The following PKD1L1 variants were observed in gnomAD, a reference collection of about 807,000 sequenced individuals.
The protein encoded by PKD1L1 is polycystin-1-like protein 1.
A neutral mutation model predicts 323.4 loss-of-function variants in PKD1L1; 236 were observed. That is an observed-to-expected ratio of 0.73 (90% CI 0.66 to 0.81). PKD1L1 has a LOEUF of 0.81. Among genes scored for constraint, PKD1L1 ranks in the 40% least tolerant of loss-of-function variants. The pLI is 0.00. For synonymous variants in PKD1L1, 1,344 were observed against 1,335.0 expected, an observed-to-expected ratio of 1.01 and a Z score of -0.15; for missense variants, 3,320 against 3,508.0, an observed-to-expected ratio of 0.95 and a Z score of 1.35.
intron 16 of PKD1L1, among the ~76,000 whole-genome samples, chr7:47,889,127 C>T (rs2128748375): frequency 6.6e-6 from 1 of 152,162 alleles, no homozygotes; most frequent in Admixed American, 6.5e-5. Context: ...TGTGTGGGTG[C>T]ACAGTGGGGT....
chr7:47,787,555 T>C (rs573146472), intron 56 of PKD1L1, among the ~76,000 whole-genome samples: 22 of 152,320 alleles, frequency 1.4e-4, no homozygotes, highest in South Asian at 1.0e-3. Flanking sequence ...GTATAAGGAC[T>C]CACAATAGTG....
intron 14 of PKD1L1, 89 bp downstream of exon 14, chr7:47,897,899 G>T: frequency 9.2e-7 from 1 of 1,086,680 alleles, no homozygotes; most frequent in Non-Finnish European, 1.3e-6. Context: ...TCGAACAGGT[G>T]TTGAATTCCA....
intron 31 of PKD1L1, among the ~76,000 whole-genome samples, chr7:47,850,028 GA>G (rs1785745505): frequency 6.6e-6 from 1 of 152,178 alleles, no homozygotes; most frequent in Non-Finnish European, 1.5e-5. Flanking sequence ...GGGTAAGGAT[GA>G]GGGGGTGAGA....
chr7:47,950,636 G>A (rs940043861), upstream of PKD1L1, among the ~76,000 whole-genome samples: 3 of 152,146 alleles, frequency 2.0e-5, no homozygotes, highest in Non-Finnish European at 2.9e-5. Flanking sequence ...CTTGAACCGG[G>A]GAGGCAGAGG....
intron 44 of PKD1L1, among the ~76,000 whole-genome samples, chr7:47,828,475 G>C (rs187054957): frequency 4.7e-4 from 71 of 152,144 alleles, no homozygotes; most frequent in African/African-American, 1.6e-3. Flanking sequence ...AGGGCGGGGG[G>C]TGCAGGAGGA....
In PKD1L1 at chr7:47,836,936, A is replaced by G; in HGVS notation, c.5928T>C (p.Ala1976=). The G allele has an allele frequency of 6.2e-7, 1 of 1,613,928 alleles. No homozygotes were observed. The highest frequency in any genetic ancestry group is 8.5e-7 in the Non-Finnish European group (1 of 1,179,964). The part of the protein sequence containing the change: ...VYACLTALVA[A]GGQEQPHLDV... ...TGGCTCTCACCTGCTCTTGCCCTCC[A>G]GCAGCAACCAGGGCAGTGAGACACG... The change falls in exon 37 of 57, where the codon GCT becomes GCC. Residue 1976 remains alanine (A), a synonymous_variant. Transcript: ENST00000289672.
Position 47,904,423 on chromosome 7 carries a change from C to T in PKD1L1, c.1886G>A (p.Gly629Asp), listed in dbSNP as rs778093920. The T allele has an allele frequency of 7.1e-5, 114 of 1,614,064 alleles. No homozygotes were observed. Among genetic ancestry groups the T allele is most frequent in the Non-Finnish European group, 9.1e-5 (107 of 1,180,042 alleles). ...GGAGCTGCTCCCCAGGCTGACGGTG[C>T]CATCCCCAAAGTCCCACAGGTAGGC... ...DVAYLWDFGDGTVSLGSSSSS... is the reference protein window; with the variant it reads ...DVAYLWDFGDDTVSLGSSSSS... Residue 629 changes from glycine (G) to aspartate (D), a missense_variant, in exon 12 of 57, where the codon GGC becomes GAC. Coordinates refer to ENST00000289672, the MANE Select transcript of PKD1L1 (RefSeq NM_138295.5).
rs1787001151 is a variant in PKD1L1, at chr7:47,898,147, T to C, written c.2112A>G (p.Ala704=). The change falls in exon 14 of 57, where the codon GCA becomes GCG. Residue 704 remains alanine, a synonymous_variant. Transcript: ENST00000289672. ...GACCTTGGGAAATATCACAGAAGAC[T>C]GCAGCTTCAAACGTCACTCCCAGCC... ...PVRLGVTFEA[A]VFCDISQGLS... 6.2e-7 allele frequency: 1 copy of C among 1,614,062 alleles called. No individual in the cohort carries two copies. Among genetic ancestry groups the C allele is most frequent in the Non-Finnish European group, 8.5e-7 (1 of 1,180,030 alleles).
At chr7:47,796,736 C>T (rs908248606) in intron 54 of PKD1L1, among the ~76,000 whole-genome samples, 6 of 151,858 alleles carry the variant, frequency 4.0e-5, no homozygotes, top group Admixed American at 6.6e-5. Context: ...GCCTGTAATC[C>T]CAGCACTTTG....
At chr7:47,882,182 A>T (rs1786571893) in intron 19 of PKD1L1, 97 bp from the exon 20 acceptor site, 6 of 1,257,996 alleles carry the variant, frequency 4.8e-6, no homozygotes. Context: ...AACTATTTGT[A>T]CTATTGCTGG....
chr7:47,830,079 G>GA lies in PKD1L1; in HGVS notation c.6518dup (p.Ser2174LeufsTer28). On this transcript the variant is annotated frameshift_variant, in exon 43 of 57. Coordinates refer to ENST00000289672, the MANE Select transcript of PKD1L1 (RefSeq NM_138295.5). LOFTEE classifies it high-confidence loss of function. ...TGATGAAAATACAGCAGACCACGGA[G>GA]AGGGACAGCAGGTGCAGCCACTGCA... 6.2e-7 allele frequency: 1 copy of GA among 1,614,224 alleles called. No homozygotes were observed. The highest frequency in any genetic ancestry group is 1.3e-5 in the African/African-American group (1 of 75,068).
intron 13 of PKD1L1, 83 bp from the exon 14 acceptor site, chr7:47,898,277 A>G: frequency 8.8e-7 from 1 of 1,139,314 alleles, no homozygotes; most frequent in Non-Finnish European, 1.3e-6. Flanking sequence ...CTTAGTCTTA[A>G]CTGTAGATCT....
chr7:47,914,573 A>G (rs1319352203), intron 8 of PKD1L1, among the ~76,000 whole-genome samples: 2 of 152,180 alleles, frequency 1.3e-5, no homozygotes, highest in Non-Finnish European at 2.9e-5. Context: ...TCCAGTGAAA[A>G]GGGTAAAACA....
chr7:47,934,568 G>A (rs1288525875), intron 4 of PKD1L1, among the ~76,000 whole-genome samples: 1 of 152,054 alleles, frequency 6.6e-6, no homozygotes, highest in Non-Finnish European at 1.5e-5. Context: ...TCTTAATGTA[G>A]TGATTTTCTT....
intron 46 of PKD1L1, among the ~76,000 whole-genome samples, chr7:47,816,011 C>CGAGGGCT (rs1226763664): frequency 6.6e-6 from 1 of 152,070 alleles, no homozygotes; most frequent in African/African-American, 2.4e-5. Flanking sequence ...GAGGGGACGG[C>CGAGGGCT]GAGGGCTTCC....
In PKD1L1 at chr7:47,839,685, C is replaced by G; in HGVS notation, c.5553-23G>C. Reference sequence around the variant, plus strand: ...GCGCTGGAGGCACACACAGCAGCATCTCAGCCGGGTGGGTGACAGTGTGGT... The same window carrying G: ...GCGCTGGAGGCACACACAGCAGCATGTCAGCCGGGTGGGTGACAGTGTGGT... On this transcript the variant is annotated intron_variant, in intron 35 of 56. Transcript: ENST00000289672. The surrounding 1 kb of genome is among the most constrained non-coding windows in gnomAD (Gnocchi z 4.3). The G allele has an allele frequency of 6.4e-7, 1 of 1,551,850 alleles. No individual in the cohort carries two copies. Among genetic ancestry groups the G allele is most frequent in the Non-Finnish European group, 8.7e-7 (1 of 1,146,860 alleles).
chr7:47,814,109 TC>T, intron 47 of PKD1L1, 95 bp from the exon 48 acceptor site: 1 of 898,292 alleles, frequency 1.1e-6, no homozygotes, highest in Non-Finnish European at 1.8e-6. Context: ...TCTGGGTAAC[TC>T]CACCTGCTAC....
intron 36 of PKD1L1, among the ~76,000 whole-genome samples, chr7:47,838,929 T>C (rs548079839): frequency 6.8e-6 from 1 of 147,354 alleles, no homozygotes; most frequent in South Asian, 2.2e-4. Context: ...GACATTATCA[T>C]CACAATTGTA....
In PKD1L1 at chr7:47,929,590, A is replaced by G. The variant is rs926902293; in HGVS notation, c.738-64T>C. 4.9e-6 allele frequency: 7 copies of G among 1,439,782 alleles called. No homozygotes were observed. In the African/African-American group the frequency reaches 7.0e-5, roughly 14 times the overall value. The allele number at this position is 1,439,782 out of a possible 1,614,324, so 89.2% of individuals were successfully genotyped here. A position where few individuals can be genotyped will look rare whatever the true frequency, so the allele number is the denominator to read the frequency against. The stretch of plus-strand genomic sequence containing the variant: ...TGGACCACTGGGGTGGGAGGGCAGA[A>G]GCCAAGCAGCCTGGCCTGGGTCCAG... On this transcript the variant is annotated intron_variant, in intron 6 of 56. Coordinates refer to ENST00000289672, the MANE Select transcript of PKD1L1 (RefSeq NM_138295.5).
Sources: allele counts gnomAD v4.1 joint callset (sites outside exome capture counted in the v4.1 genomes callset), GRCh38; gene constraint gnomAD v4.1.1; non-coding constraint Gnocchi (gnomAD v3.1); transcripts MANE v1.5; gene names NCBI Gene and HGNC (gene_info 2026-07-23, HGNC 2026-07-21).